The following GTF2F2 variants were observed in gnomAD, a reference collection of about 807,000 sequenced individuals.
The protein encoded by GTF2F2 is general transcription factor IIF subunit 2.
A neutral mutation model predicts 42.2 loss-of-function variants in GTF2F2; 23 were observed. The observed-to-expected ratio is 0.55, with a 90% CI of 0.39 to 0.77. The LOEUF (loss-of-function observed/expected upper bound fraction) is 0.77. Among genes scored for constraint, GTF2F2 ranks in the 30% least tolerant of loss-of-function variants. The pLI is 0.00. For missense variants in GTF2F2, 261 were observed against 287.2 expected, an observed-to-expected ratio of 0.91 and a Z score of 0.66; for synonymous variants, 105 against 100.8, an observed-to-expected ratio of 1.04 and a Z score of -0.25.
At chr13:45,232,131 A>G (rs1003172945) in intron 5 of GTF2F2, among the ~76,000 whole-genome samples, 5 of 152,212 alleles carry the variant, frequency 3.3e-5, no homozygotes, top group Admixed American at 6.5e-5. Flanking sequence ...ATACTTACAT[A>G]TATCAGAGTA....
intron 1 of GTF2F2, among the ~76,000 whole-genome samples, chr13:45,121,721 G>A (rs1868642007): frequency 6.6e-6 from 1 of 152,200 alleles, no homozygotes; most frequent in Non-Finnish European, 1.5e-5. Context: ...ACCCAGAATA[G>A]TGTTTGGCGC....
chr13:45,205,910 T>TG (rs1265527266), intron 4 of GTF2F2, among the ~76,000 whole-genome samples: 3 of 152,208 alleles, frequency 2.0e-5, no homozygotes, highest in Non-Finnish European at 4.4e-5. Context: ...TCCCAAATCT[T>TG]GCTATTGTTG....
At chr13:45,273,960 T>C (rs1876913464) in intron 7 of GTF2F2, among the ~76,000 whole-genome samples, 1 of 152,250 alleles carries the variant, frequency 6.6e-6, no homozygotes, top group African/African-American at 2.4e-5. Context: ...TGTGTTGGGC[T>C]CTGCGTTTAA....
chr13:45,164,031 A>G lies in GTF2F2; in HGVS notation c.304+12200A>G, dbSNP rs147141889. On this transcript the variant is annotated intron_variant, in intron 4 of 7. Transcript: ENST00000340473. Reference sequence around the variant, plus strand: ...TAGCCAAGTGTGGTGGTGCGCATCTATAATCCCAGCTCCTCAGCACACATC... The same window carrying G: ...TAGCCAAGTGTGGTGGTGCGCATCTGTAATCCCAGCTCCTCAGCACACATC... Among the ~76,000 whole-genome samples the G allele has an allele frequency of 5.3e-5, 8 of 152,156 alleles. No homozygotes were observed. The East Asian group carries it at 9.7e-4, about 18-fold the overall frequency.
intron 4 of GTF2F2, among the ~76,000 whole-genome samples, chr13:45,171,490 A>C (rs1871597509): frequency 6.6e-6 from 1 of 152,192 alleles, no homozygotes; most frequent in Non-Finnish European, 1.5e-5. Context: ...AGTAAGAAGG[A>C]TCCCTATTGA....
intron 3 of GTF2F2, 67 bp from the exon 4 acceptor site, chr13:45,151,620 A>T: frequency 9.7e-7 from 1 of 1,027,186 alleles, no homozygotes; most frequent in Non-Finnish European, 1.4e-6. Context: ...GATTTATAAC[A>T]AAAATTTATA....
chr13:45,184,976 T>G (rs1265588633), intron 4 of GTF2F2, among the ~76,000 whole-genome samples: 1 of 152,008 alleles, frequency 6.6e-6, no homozygotes, highest in African/African-American at 2.4e-5. Context: ...CACGCCCAAC[T>G]GTTTTTGTGT....
chr13:45,176,122 TTA>T (rs1328567024), intron 4 of GTF2F2, among the ~76,000 whole-genome samples: 1 of 152,194 alleles, frequency 6.6e-6, no homozygotes, highest in Non-Finnish European at 1.5e-5. Context: ...TAGTGAATAT[TTA>T]TGTTGTTTAT....
chr13:45,212,098 T>A (rs538123000), intron 5 of GTF2F2, among the ~76,000 whole-genome samples: 2 of 152,222 alleles, frequency 1.3e-5, no homozygotes, highest in Non-Finnish European at 1.5e-5. Context: ...TTGAATGTAA[T>A]ATGGAAAGGC....
chr13:45,227,724 T>G (rs1328780008), intron 5 of GTF2F2, among the ~76,000 whole-genome samples: 1 of 152,228 alleles, frequency 6.6e-6, no homozygotes, highest in African/African-American at 2.4e-5. Flanking sequence ...AAATGGAATG[T>G]AATTAAATGA....
intron 4 of GTF2F2, among the ~76,000 whole-genome samples, chr13:45,171,104 G>GTCT (rs1427769649): frequency 8.4e-6 from 1 of 118,990 alleles, no homozygotes; most frequent in East Asian, 2.5e-4. Context: ...TTGAGACAGA[G>GTCT]TCTTGGTCTG....
intron 4 of GTF2F2, among the ~76,000 whole-genome samples, chr13:45,183,637 C>T (rs1467378821): frequency 1.3e-5 from 2 of 152,010 alleles, no homozygotes; most frequent in Non-Finnish European, 2.9e-5. Context: ...AATTAGGGTT[C>T]CATTTCTGAC....
At chr13:45,274,245 C>A (rs1012293882) in intron 7 of GTF2F2, among the ~76,000 whole-genome samples, 3 of 149,974 alleles carry the variant, frequency 2.0e-5, no homozygotes, top group Non-Finnish European at 4.4e-5. Flanking sequence ...AAATAGTCAT[C>A]TTAATTTGTT....
At chr13:45,267,964 TTATG>T (rs1876637162) in intron 7 of GTF2F2, among the ~76,000 whole-genome samples, 1 of 152,100 alleles carries the variant, frequency 6.6e-6, no homozygotes, top group Non-Finnish European at 1.5e-5. Context: ...TTTAGAAAGT[TTATG>T]TTTGTTTTAT....
chr13:45,224,623 T>A (rs1416965813), intron 5 of GTF2F2, among the ~76,000 whole-genome samples: 5 of 152,360 alleles, frequency 3.3e-5, no homozygotes, highest in African/African-American at 1.2e-4. Context: ...GTTGTTAATG[T>A]GATACACTTG....
intron 7 of GTF2F2, among the ~76,000 whole-genome samples, chr13:45,282,074 G>A (rs559700307): frequency 1.4e-4 from 22 of 152,134 alleles, no homozygotes; most frequent in East Asian, 1.9e-4. Context: ...GGTGGCATGC[G>A]CCTGTAATCC....
chr13:45,127,958 T>C (rs1307800760), intron 1 of GTF2F2, among the ~76,000 whole-genome samples: 10 of 138,356 alleles, frequency 7.2e-5, no homozygotes, highest in South Asian at 2.4e-4. Context: ...TTTTTTTTTT[T>C]TTTTTTTTTT....
rs1157972776 is a variant in GTF2F2 at position 45,278,816 on chromosome 13, C to CTTTTTTTTTTT, written c.631-4611_631-4601dup. 9.1e-4 allele frequency among the ~76,000 whole-genome samples: 57 copies of CTTTTTTTTTTT among 62,308 alleles called. 1 individual carries two copies. The highest frequency in any genetic ancestry group is 3.2e-3 in the South Asian group (5 of 1,582). 40.9% of individuals were successfully genotyped at this position (62,308 alleles called of 152,430 possible). A position where few individuals can be genotyped will look rare whatever the true frequency, so the allele number is the denominator to read the frequency against. On this transcript the variant is annotated intron_variant, in intron 7 of 7. Coordinates refer to ENST00000340473, the MANE Select transcript of GTF2F2 (RefSeq NM_004128.3). ...CCTGCCAATTTGCCTTTTTCTTTTTCTTTTTTTTTTTTTTTTTTTTTTTTT... is the reference window on the plus strand; with the variant it reads ...CCTGCCAATTTGCCTTTTTCTTTTTCTTTTTTTTTTTTTTTTTTTTTTTTTTTTTTTTTTTT...
intron 4 of GTF2F2, among the ~76,000 whole-genome samples, chr13:45,160,040 TTATC>T (rs1870959724): frequency 6.6e-6 from 1 of 152,222 alleles, no homozygotes; most frequent in Non-Finnish European, 1.5e-5. Context: ...TTTATTTACC[TTATC>T]TATCATAATT....
Sources: allele counts gnomAD v4.1 joint callset (sites outside exome capture counted in the v4.1 genomes callset), GRCh38; gene constraint gnomAD v4.1.1; transcripts MANE v1.5; gene names NCBI Gene and HGNC (gene_info 2026-07-23, HGNC 2026-07-21).